Variants in CD8B2 observed in about 807,000 individuals in gnomAD.
CD8B2 encodes the protein CD8B family member 2.
CD8B2 carries 11 observed loss-of-function variants against 23.7 expected under a neutral mutation model. The observed-to-expected ratio is 0.46, with a 90% CI of 0.29 to 0.77. CD8B2 has a LOEUF of 0.77. Ranked by LOEUF, CD8B2 falls within the 30% of genes least tolerant of loss-of-function variation. The pLI is 0.09. For missense variants in CD8B2, 197 were observed against 270.5 expected, an observed-to-expected ratio of 0.73 and a Z score of 1.91; for synonymous variants, 90 against 109.3, an observed-to-expected ratio of 0.82 and a Z score of 1.10.
At chr2:106,527,018 T>C (rs551051136) in intron 5 of CD8B2, among the ~76,000 whole-genome samples, 90 of 152,366 alleles carry the variant, frequency 5.9e-4, no homozygotes, top group African/African-American at 2.1e-3. Context: ...GTATTATAAA[T>C]AATGCTACTA....
intron 5 of CD8B2, among the ~76,000 whole-genome samples, chr2:106,536,218 G>A (rs1680087031): frequency 1.3e-5 from 2 of 151,976 alleles, no homozygotes; most frequent in Admixed American, 1.3e-4. Flanking sequence ...ATTTTTAGTA[G>A]ACAGGGTTTC....
At chr2:106,496,099 T>C in intron 2 of CD8B2, 74 bp from the exon 3 acceptor site, 1 of 1,549,408 alleles carries the variant, frequency 6.5e-7, no homozygotes, top group South Asian at 1.2e-5. Context: ...CACCCGGCCA[T>C]AAGACAAAGT....
intron 5 of CD8B2, among the ~76,000 whole-genome samples, chr2:106,532,001 G>A (rs1679995001): frequency 6.6e-6 from 1 of 152,220 alleles, no homozygotes; most frequent in Non-Finnish European, 1.5e-5. Context: ...TCCCAGCAAA[G>A]TAACAGATCT....
Position 106,504,421 on chromosome 2 carries a change from T to C in CD8B2, c.620+96T>C. 6 of 1,546,356 alleles carry C rather than the reference T, an allele frequency of 3.9e-6. No homozygotes were observed. The South Asian group carries it at 7.2e-5, about 18-fold the overall frequency. On this transcript the variant is annotated intron_variant, in intron 5 of 5. Coordinates refer to ENST00000643224, the MANE Select transcript of CD8B2 (RefSeq NM_001349727.2). ...CGAGGAGCCAAAGTCAGACCTCATCTTCCAAAGATCATAGACTCGGCCGGG... is the reference window on the plus strand; with the variant it reads ...CGAGGAGCCAAAGTCAGACCTCATCCTCCAAAGATCATAGACTCGGCCGGG...
intron 1 of CD8B2, among the ~76,000 whole-genome samples, chr2:106,489,643 T>C (rs1679153700): frequency 6.6e-6 from 1 of 152,190 alleles, no homozygotes; most frequent in Admixed American, 6.5e-5. Flanking sequence ...TGTGCAGCCT[T>C]GGTGTGTATG....
chr2:106,543,106 GAGA>G (rs1319316903), intron 5 of CD8B2: 2 of 152,194 alleles, frequency 1.3e-5, no homozygotes, highest in Admixed American at 6.5e-5. Context: ...GTTCTCTCCT[GAGA>G]AGAAGTAACT....
chr2:106,541,661 A>G (rs1040466734), intron 5 of CD8B2, among the ~76,000 whole-genome samples: 2 of 152,192 alleles, frequency 1.3e-5, no homozygotes, highest in Admixed American at 1.3e-4. Flanking sequence ...GAGACCATAC[A>G]AGGTGGGAGT....
intron 4 of CD8B2, among the ~76,000 whole-genome samples, chr2:106,503,315 C>T (rs1335494532): frequency 6.6e-6 from 1 of 152,076 alleles, no homozygotes; most frequent in Non-Finnish European, 1.5e-5. Context: ...AGATCAGTGG[C>T]TCTTAACTTT....
chr2:106,537,963 G>T (rs1016937869), intron 5 of CD8B2: 1 of 152,188 alleles, frequency 6.6e-6, no homozygotes, highest in African/African-American at 2.4e-5. Context: ...TCTCTGTGAG[G>T]CTCCTTTTCT....
chr2:106,517,041 A>G (rs367748670), intron 5 of CD8B2, among the ~76,000 whole-genome samples: 7 of 149,188 alleles, frequency 4.7e-5, no homozygotes, highest in East Asian at 3.9e-4. Flanking sequence ...ATATACATGA[A>G]ATAAATATTT....
At chr2:106,488,332 G>A (rs1468443510) in intron 1 of CD8B2, among the ~76,000 whole-genome samples, 13 of 151,404 alleles carry the variant, frequency 8.6e-5, no homozygotes, top group Non-Finnish European at 1.5e-4. Context: ...GGAATTCCTG[G>A]GTTACCGAGG....
At chr2:106,526,519 G>A (rs1367530626) in intron 5 of CD8B2, among the ~76,000 whole-genome samples, 1 of 152,142 alleles carries the variant, frequency 6.6e-6, no homozygotes, top group Non-Finnish European at 1.5e-5. Flanking sequence ...CATACACTAT[G>A]TGGACTTCAG....
At chr2:106,492,465 G>A (rs1474665022) in intron 2 of CD8B2, among the ~76,000 whole-genome samples, 1 of 152,052 alleles carries the variant, frequency 6.6e-6, no homozygotes, top group Non-Finnish European at 1.5e-5. Context: ...CTAAGTGTTC[G>A]ATGAGCATTT....
rs59626611 is a variant in CD8B2 at position 106,520,997 on chromosome 2, C to CAAAA, written c.620+16679_620+16682dup. Among the ~76,000 whole-genome samples the CAAAA allele has an allele frequency of 5.8e-5, 8 of 138,688 alleles. No homozygotes were observed. In the East Asian group the frequency reaches 6.4e-4, roughly 11 times the overall value. 91.0% of individuals were successfully genotyped at this position (138,688 alleles called of 152,430 possible). On this transcript the variant is annotated intron_variant, in intron 5 of 5. Coordinates refer to the CD8B2 transcript ENST00000416057. ...CAACTCTCTCTCTAAGAAAAAATTG[C>CAAAA]AAAAAAAAAATCATAATGTTTTAAG...
chr2:106,500,884 T>C (rs931240743), intron 3 of CD8B2, among the ~76,000 whole-genome samples: 1 of 151,700 alleles, frequency 6.6e-6, no homozygotes, highest in Non-Finnish European at 1.5e-5. Context: ...AGAAGAAAAA[T>C]CATACAAGTT....
chr2:106,495,363 A>C (rs1263056370), intron 2 of CD8B2, among the ~76,000 whole-genome samples: 1 of 152,062 alleles, frequency 6.6e-6, no homozygotes, highest in Non-Finnish European at 1.5e-5. Flanking sequence ...TCTACTAAAA[A>C]TACAAAAAAT....
At chr2:106,512,461 C>A (rs1265094892), downstream of CD8B2, among the ~76,000 whole-genome samples, 1 of 151,944 alleles carries the variant, frequency 6.6e-6, no homozygotes, top group Non-Finnish European at 1.5e-5. Context: ...GCACTCAATT[C>A]TCCTCTTCCT....
chr2:106,533,993 T>C (rs1172172841), intron 5 of CD8B2, among the ~76,000 whole-genome samples: 3 of 152,238 alleles, frequency 2.0e-5, no homozygotes, highest in Non-Finnish European at 4.4e-5. Context: ...ACTTACTATG[T>C]GGCAAGCCTC....
chr2:106,522,522 A>G (rs1573346419), intron 5 of CD8B2, among the ~76,000 whole-genome samples: 1 of 152,260 alleles, frequency 6.6e-6, no homozygotes, highest in East Asian at 1.9e-4. Context: ...CACCATTCTC[A>G]ATTTCTTACT....
Sources: gnomAD v4.1 joint callset for allele counts (sites outside exome capture counted in the v4.1 genomes callset) on GRCh38, gnomAD v4.1.1 for gene constraint, MANE v1.5 for transcripts, NCBI Gene and HGNC (gene_info 2026-07-23, HGNC 2026-07-21) for gene names.